The following GSTO2 variants were observed in gnomAD, a reference collection of about 807,000 sequenced individuals.
GSTO2 encodes the protein glutathione S-transferase omega 2.
A neutral mutation model predicts 28.4 loss-of-function variants in GSTO2; 23 were observed. The observed-to-expected ratio is 0.81, with a 90% CI of 0.58 to 1.15. The LOEUF is 1.15. Ranked by LOEUF, GSTO2 falls within the 50% of genes most tolerant of loss-of-function variation. The pLI, the probability that GSTO2 is intolerant of heterozygous loss-of-function variation, is 0.00. For missense variants in GSTO2, 298 were observed against 297.8 expected (o/e 1.00, Z 0.00); for synonymous variants, 109 against 111.0 (o/e 0.98, Z 0.11).
intron 3 of GSTO2, among the ~76,000 whole-genome samples, chr10:104,275,659 GAGGT>G (rs774325291): frequency 6.6e-6 from 1 of 152,148 alleles, no homozygotes; most frequent in African/African-American, 2.4e-5. Context: ...CTGCTCCACA[GAGGT>G]AGTTCCCCCA....
Position 104,299,485 on chromosome 10 carries a change from T to A in GSTO2, c.*201T>A. ...TGCTGCTACTGCTGCTTTTTTTTCC[T>A]TTTTTTTTTTGAGGCAAGATCTTGC... On this transcript the variant is annotated 3_prime_UTR_variant, in exon 7 of 7. Coordinates refer to ENST00000338595, the MANE Select transcript of GSTO2 (RefSeq NM_183239.2). 1 of 258,806 alleles carries A rather than the reference T, an allele frequency of 3.9e-6. No individual in the cohort carries two copies. The highest frequency in any genetic ancestry group is 7.0e-6 in the Non-Finnish European group (1 of 142,578). The allele number at this position is 258,806 out of a possible 1,614,324, so 16.0% of individuals were successfully genotyped here.
In GSTO2 at chr10:104,303,920, G is replaced by A. The variant is rs886532864; in HGVS notation, c.*4636G>A. On this transcript the variant is annotated 3_prime_UTR_variant, in exon 7 of 7. Transcript: ENST00000338595. ...GTTTCTTGGAGCTTTGGTGGTGGTA[G>A]GGGTGGCAGGGGCAGGTGTTATGTT... The A allele has an allele frequency of 6.6e-6, 1 of 152,262 alleles. No individual in the cohort carries two copies. The highest frequency in any genetic ancestry group is 1.5e-5 in the Non-Finnish European group (1 of 68,092). 9.4% of individuals were successfully genotyped at this position (152,262 alleles called of 1,614,324 possible). A position where few individuals can be genotyped will look rare whatever the true frequency, so the allele number is the denominator to read the frequency against.
Position 104,303,029 on chromosome 10 carries a change from T to C in GSTO2, c.*3745T>C, listed in dbSNP as rs1029102432. ...AGGTAAACATGCGTCATGGGGTTTG[T>C]TATGCAGATTATTTCATCACCTAGA... is the stretch of plus-strand genomic sequence containing the variant. On this transcript the variant is annotated 3_prime_UTR_variant, in exon 7 of 7. Coordinates refer to ENST00000338595, the MANE Select transcript of GSTO2 (RefSeq NM_183239.2). 2.0e-5 allele frequency: 3 copies of C among 152,236 alleles called. No individual in the cohort carries two copies. Among genetic ancestry groups the C allele is most frequent in the African/African-American group, 7.2e-5 (3 of 41,454 alleles). 9.4% of individuals were successfully genotyped at this position (152,236 alleles called of 1,614,324 possible). A position where few individuals can be genotyped will look rare whatever the true frequency, so the allele number is the denominator to read the frequency against.
Position 104,299,447 on chromosome 10 carries a change from T to C in GSTO2, c.*163T>C, listed in dbSNP as rs746145864. 2 of 786,896 alleles carry C rather than the reference T, an allele frequency of 2.5e-6. No individual in the cohort carries two copies. Among genetic ancestry groups the C allele is most frequent in the Non-Finnish European group, 4.0e-6 (2 of 500,052 alleles). 48.7% of individuals were successfully genotyped at this position (786,896 alleles called of 1,614,324 possible). On this transcript the variant is annotated 3_prime_UTR_variant, in exon 7 of 7. Transcript: ENST00000338595. ...TTCTGATAATCATTTGTCTGACTCC[T>C]CTAGCCTGTAGCTGCTGCTACTGCT... is the stretch of plus-strand genomic sequence containing the variant.
Position 104,297,313 on chromosome 10 carries a change from T to A in GSTO2, c.469-265T>A, listed in dbSNP as rs1020906346. ...GGACTGGGGTACTCTGTAGAGGTTG[T>A]TCTTCCAGTTTCTTCAATCAGATGA... On this transcript the variant is annotated intron_variant, in intron 5 of 6. Coordinates refer to ENST00000338595, the MANE Select transcript of GSTO2 (RefSeq NM_183239.2). 8 of 313,034 alleles carry A rather than the reference T, an allele frequency of 2.6e-5. No homozygotes were observed. The Admixed American group carries it at 3.3e-4, about 13-fold the overall frequency. 19.4% of individuals were successfully genotyped at this position (313,034 alleles called of 1,614,324 possible). A position where few individuals can be genotyped will look rare whatever the true frequency, so the allele number is the denominator to read the frequency against.
At chr10:104,271,967 A>G (rs2011427252) in intron 1 of GSTO2, among the ~76,000 whole-genome samples, 1 of 152,214 alleles carries the variant, frequency 6.6e-6, no homozygotes, top group Non-Finnish European at 1.5e-5. Context: ...GATTTTTTAC[A>G]TTTTTAAAGG....
At chr10:104,293,976 C>T (rs1243118621) in intron 5 of GSTO2, among the ~76,000 whole-genome samples, 1 of 152,130 alleles carries the variant, frequency 6.6e-6, no homozygotes, top group Admixed American at 6.5e-5. Flanking sequence ...CTCTGCACAG[C>T]AAGGCTCCCC....
intron 6 of GSTO2, among the ~76,000 whole-genome samples, chr10:104,298,874 C>T (rs1336923905): frequency 3.3e-5 from 5 of 152,118 alleles, no homozygotes; most frequent in African/African-American, 1.2e-4. Context: ...GAAGCACAGA[C>T]ATGTTATTTT....
chr10:104,270,541 G>A (rs2011346816), intron 1 of GSTO2, among the ~76,000 whole-genome samples: 1 of 152,084 alleles, frequency 6.6e-6, no homozygotes, highest in Non-Finnish European at 1.5e-5. Flanking sequence ...GAGAAATAGG[G>A]ATAGGGAAGC....
At chr10:104,278,149 AT>A in intron 4 of GSTO2, 33 bp downstream of exon 4, 1 of 1,534,670 alleles carries the variant, frequency 6.5e-7, no homozygotes, top group South Asian at 1.1e-5. Context: ...CTCACACTGT[AT>A]TTTACTTTGC....
intron 4 of GSTO2, among the ~76,000 whole-genome samples, chr10:104,278,994 A>C (rs2011834003): frequency 6.6e-6 from 1 of 152,170 alleles, no homozygotes; most frequent in Non-Finnish European, 1.5e-5. Context: ...ACTTTGTAGG[A>C]GCTAACTCAT....
Position 104,289,351 on chromosome 10 carries a change from C to G in GSTO2, c.469-8227C>G, listed in dbSNP as rs149443598. Among the ~76,000 whole-genome samples the G allele has an allele frequency of 3.2e-4, 49 of 152,312 alleles. No homozygotes were observed. The East Asian group carries it at 5.0e-3, about 16-fold the overall frequency. On this transcript the variant is annotated intron_variant, in intron 5 of 6. Transcript: ENST00000338595. ...GCTGAAGCGATCCTTCCACCTTGGT[C>G]TCCCAAAGTACTAGGATAAAAGGTG...
Position 104,300,108 on chromosome 10 carries a change from G to C in GSTO2, c.*824G>C, listed in dbSNP as rs1162816956. 1 of 152,252 alleles carries C rather than the reference G, an allele frequency of 6.6e-6. No individual in the cohort carries two copies. Among genetic ancestry groups the C allele is most frequent in the Non-Finnish European group, 1.5e-5 (1 of 68,066 alleles). The allele number at this position is 152,252 out of a possible 1,614,324, so 9.4% of individuals were successfully genotyped here. A position where few individuals can be genotyped will look rare whatever the true frequency, so the allele number is the denominator to read the frequency against. Reference sequence around the variant, plus strand: ...GTAATTCTCCAAACTTTGGCCATGGGCCTGGAGACACCGAGGGTCTTGTGA... The same window carrying C: ...GTAATTCTCCAAACTTTGGCCATGGCCCTGGAGACACCGAGGGTCTTGTGA... On this transcript the variant is annotated 3_prime_UTR_variant, in exon 7 of 7. Transcript: ENST00000338595.
Position 104,303,406 on chromosome 10 carries a change from C to G in GSTO2, c.*4122C>G, listed in dbSNP as rs1424014784. 2 of 152,156 alleles carry G rather than the reference C, an allele frequency of 1.3e-5. No individual in the cohort carries two copies. The highest frequency in any genetic ancestry group is 2.9e-5 in the Non-Finnish European group (2 of 68,034). 9.4% of individuals were successfully genotyped at this position (152,156 alleles called of 1,614,324 possible). A position where few individuals can be genotyped will look rare whatever the true frequency, so the allele number is the denominator to read the frequency against. On this transcript the variant is annotated 3_prime_UTR_variant, in exon 7 of 7. Transcript: ENST00000338595. ...AACTTGGCTGCATTGTGCTCCTGGCCTAGGGACCTGTGGAAGTTTGAACTT... is the reference window on the plus strand; with the variant it reads ...AACTTGGCTGCATTGTGCTCCTGGCGTAGGGACCTGTGGAAGTTTGAACTT...
chr10:104,298,279 G>T (rs1326653855), intron 6 of GSTO2, among the ~76,000 whole-genome samples: 8 of 152,208 alleles, frequency 5.3e-5, no homozygotes, highest in Non-Finnish European at 1.2e-4. Flanking sequence ...GAAGCTGGAC[G>T]TGTGCGGACG....
intron 1 of GSTO2, among the ~76,000 whole-genome samples, chr10:104,274,420 G>T (rs1328633431): frequency 6.6e-6 from 1 of 152,050 alleles, no homozygotes; most frequent in Non-Finnish European, 1.5e-5. Context: ...TCATGAGAAT[G>T]TTTGGCCTTA....
chr10:104,289,746 G>A (rs957437042), intron 5 of GSTO2, among the ~76,000 whole-genome samples: 4 of 152,142 alleles, frequency 2.6e-5, no homozygotes, highest in Admixed American at 2.6e-4. Flanking sequence ...TCTTTTATGA[G>A]CTCAAAACAT....
intron 5 of GSTO2, among the ~76,000 whole-genome samples, chr10:104,286,660 G>C (rs964178555): frequency 6.6e-6 from 1 of 152,098 alleles, no homozygotes; most frequent in Non-Finnish European, 1.5e-5. Context: ...CCCTGACTCA[G>C]GATGCCTCGT....
chr10:104,275,515 G>C (rs183162832), intron 3 of GSTO2, among the ~76,000 whole-genome samples, 181 bp downstream of exon 3: 101 of 152,264 alleles, frequency 6.6e-4, no homozygotes, highest in Admixed American at 9.8e-4. Flanking sequence ...CTGAAATGCG[G>C]AGCCCTTTTC....
Sources: gnomAD v4.1 joint callset for allele counts (sites outside exome capture counted in the v4.1 genomes callset) on GRCh38, gnomAD v4.1.1 for gene constraint, MANE v1.5 for transcripts, NCBI Gene and HGNC (gene_info 2026-07-23, HGNC 2026-07-21) for gene names.